ZNF778: variants seen among roughly 807,000 people sequenced by gnomAD.
ZNF778 encodes the protein zinc finger protein 778.
Under a neutral mutation model 23.9 loss-of-function variants are expected in ZNF778, and 37 were observed. The ratio of observed to expected loss-of-function variants is 1.54; its 90% CI spans 1.19 to 2.03. The LOEUF (loss-of-function observed/expected upper bound fraction) is 2.03. ZNF778 is among the 30% of genes most tolerant of loss of function. ZNF778 has a pLI of 0.00. For synonymous variants in ZNF778, 483 were observed against 343.9 expected (o/e 1.40, Z -4.48); for missense variants, 1,297 against 934.4 (o/e 1.39, Z -5.06).
Position 89,223,226 on chromosome 16 carries a change from CAG to C in ZNF778, c.193_194del (p.Asp65ProfsTer49). The C allele has an allele frequency of 6.2e-7, 1 of 1,614,094 alleles. No homozygotes were observed. Among genetic ancestry groups the C allele is most frequent in the Non-Finnish European group, 8.5e-7 (1 of 1,179,996 alleles). ...QEEWTLLDPS[Q>X]RDLYRDVMLE... ...GGAATGGACTTTACTGGACCCATCT[CAG>C]AGAGACCTCTACAGAGATGTGATGC... On this transcript the variant is annotated frameshift_variant, in exon 4 of 7. Transcript: ENST00000433976. LOFTEE classifies it high-confidence loss of function.
chr16:89,228,409 G>A lies in ZNF778; in HGVS notation c.2121G>A (p.Gly707=). 6.2e-7 allele frequency: 1 copy of A among 1,613,912 alleles called. No individual in the cohort carries two copies. Among genetic ancestry groups the A allele is most frequent in the South Asian group, 1.1e-5 (1 of 91,046 alleles). Residue 707 remains glycine, a synonymous_variant, in exon 7 of 7, where the codon GGG becomes GGA. Coordinates refer to ENST00000433976, the MANE Select transcript of ZNF778 (RefSeq NM_001201407.2). ...GQKPYKCKEC[G]KAYNRFYLLK... is the part of the protein sequence containing the mutation. Reference sequence around the variant, plus strand: ...AACCCTATAAATGTAAGGAATGTGGGAAAGCATACAATAGGTTTTATCTAC... The same window carrying A: ...AACCCTATAAATGTAAGGAATGTGGAAAAGCATACAATAGGTTTTATCTAC...
intron 4 of ZNF778, among the ~76,000 whole-genome samples, chr16:89,223,635 A>G (rs2031181892): frequency 1.3e-5 from 2 of 152,150 alleles, no homozygotes; most frequent in Non-Finnish European, 2.9e-5. Context: ...GTGAATGAAG[A>G]TCTCTTATTG....
In ZNF778 at chr16:89,228,683, A is replaced by G; in HGVS notation, c.*121A>G. The G allele has an allele frequency of 6.7e-7, 1 of 1,481,758 alleles. No homozygotes were observed. The highest frequency in any genetic ancestry group is 8.9e-7 in the Non-Finnish European group (1 of 1,121,462). The allele number at this position is 1,481,758 out of a possible 1,614,324, so 91.8% of individuals were successfully genotyped here. ...GCTAGGCAATCAGCATCTCATCACA[A>G]CCCGGCAGGCAGGAACTCACCCTGG... On this transcript the variant is annotated 3_prime_UTR_variant, in exon 7 of 7. Transcript: ENST00000433976.
chr16:89,219,972 T>C (rs565924691), intron 1 of ZNF778, among the ~76,000 whole-genome samples: 1 of 152,368 alleles, frequency 6.6e-6, no homozygotes, highest in Middle Eastern at 3.4e-3. Flanking sequence ...CTGTTGTGTA[T>C]ATTTCATATG....
Position 89,227,157 on chromosome 16 carries a change from T to G in ZNF778, c.869T>G (p.Phe290Cys). ...GTATGTAGGGAATGTGGGAAGGCCTTTAGGTACACTGCCTACCTTACTGGT... is the reference window on the plus strand; with the variant it reads ...GTATGTAGGGAATGTGGGAAGGCCTGTAGGTACACTGCCTACCTTACTGGT... The part of the protein sequence containing the change: ...PHVCRECGKA[F>C]RYTAYLTGRV... Residue 290 changes from phenylalanine (F) to cysteine (C), a missense_variant, in exon 7 of 7, where the codon TTT (phenylalanine) becomes TGT (cysteine). By Grantham distance (205) the Phe-to-Cys change is radical. Coordinates refer to ENST00000433976, the MANE Select transcript of ZNF778 (RefSeq NM_001201407.2). 1.2e-6 allele frequency: 2 copies of G among 1,613,978 alleles called. No individual in the cohort carries two copies. Among genetic ancestry groups the G allele is most frequent in the Non-Finnish European group, 1.7e-6 (2 of 1,179,890 alleles).
rs2031655274 is a variant in ZNF778, at chr16:89,227,999, A to G, written c.1711A>G (p.Arg571Gly). ...ATGTACGGTATGCAGGAAATCCTTC[A>G]GAAATTCCTCGTGCCTGAATAAGCA... ...FICTVCRKSF[R>G]NSSCLNKHIQ... is the part of the protein sequence containing the mutation. The change falls in exon 7 of 7, where the codon AGA (arginine) becomes GGA (glycine). Residue 571 changes from arginine to glycine, a missense_variant. Transcript: ENST00000433976. 1.9e-6 allele frequency: 3 copies of G among 1,589,248 alleles called. No individual in the cohort carries two copies. The highest frequency in any genetic ancestry group is 2.6e-6 in the Non-Finnish European group (3 of 1,164,734).
Position 89,227,367 on chromosome 16 carries a change from C to A in ZNF778, c.1079C>A (p.Pro360His). Residue 360 changes from proline (P) to histidine (H), a missense_variant, in exon 7 of 7, where the codon CCT becomes CAT. Physicochemically the swap from Pro to His is moderately conservative, Grantham distance 77 (BLOSUM62 -2). Transcript: ENST00000433976. ...SGLSKHVQTD[P>H]GQKPYECKDC... ...CTTTCTAAACACGTCCAAACAGACCCTGGACAGAAGCCCTATGAATGTAAG... is the reference window on the plus strand; with the variant it reads ...CTTTCTAAACACGTCCAAACAGACCATGGACAGAAGCCCTATGAATGTAAG... 1.2e-6 allele frequency: 2 copies of A among 1,613,956 alleles called. No individual in the cohort carries two copies. The highest frequency in any genetic ancestry group is 1.7e-6 in the Non-Finnish European group (2 of 1,179,858).
intron 2 of ZNF778, 28 bp from the exon 3 acceptor site, chr16:89,222,064 A>C (rs1447015479): frequency 6.5e-7 from 1 of 1,548,258 alleles, no homozygotes; most frequent in African/African-American, 1.4e-5. Flanking sequence ...CTGGGTTCTC[A>C]TGCCTTCTTG....
Position 89,226,773 on chromosome 16 carries a change from C to T in ZNF778, c.485C>T (p.Thr162Ile), listed in dbSNP as rs954623110. ...EAFSEHSGLS[T>I]HVRTQNTGDS... ...TTCAGTGAACACTCAGGCCTCAGCA[C>T]ACACGTGAGAACTCAAAATACAGGA... The change falls in exon 7 of 7, where the codon ACA becomes ATA. Residue 162 changes from threonine to isoleucine, a missense_variant. Physicochemically the swap from Thr to Ile is moderately conservative, Grantham distance 89. Transcript: ENST00000433976. 14 of 1,613,874 alleles carry T rather than the reference C, an allele frequency of 8.7e-6. No individual in the cohort carries two copies. Among genetic ancestry groups the T allele is most frequent in the Non-Finnish European group, 1.2e-5 (14 of 1,179,888 alleles).
At chr16:89,218,951 T>G (rs551568541) in intron 1 of ZNF778, among the ~76,000 whole-genome samples, 53 of 151,476 alleles carry the variant, frequency 3.5e-4, no homozygotes, top group African/African-American at 1.2e-3. Context: ...CTACTAAAAG[T>G]ACAAAATTAG....
rs185367868 is a variant in ZNF778, at chr16:89,217,771, G to C, written c.-271G>C. 6.6e-6 allele frequency: 1 copy of C among 152,222 alleles called. No individual in the cohort carries two copies. 9.4% of individuals were successfully genotyped at this position (152,222 alleles called of 1,614,324 possible). The stretch of plus-strand genomic sequence containing the variant: ...GCCGGAGAGTTCCGCGCGTGTCCTC[G>C]GGCTGTCCGCGGGGAAGCTGGTCCG... On this transcript the variant is annotated 5_prime_UTR_variant, in exon 1 of 7. Coordinates refer to ENST00000433976, the MANE Select transcript of ZNF778 (RefSeq NM_001201407.2).
In ZNF778 at chr16:89,235,700, A is replaced by G. The variant is rs1268618063; in HGVS notation, c.*7138A>G. The G allele has an allele frequency of 6.6e-6, 1 of 152,244 alleles. No individual in the cohort carries two copies. Among genetic ancestry groups the G allele is most frequent in the Non-Finnish European group, 1.5e-5 (1 of 68,036 alleles). The allele number at this position is 152,244 out of a possible 1,614,324, so 9.4% of individuals were successfully genotyped here. A position where few individuals can be genotyped will look rare whatever the true frequency, so the allele number is the denominator to read the frequency against. On this transcript the variant is annotated 3_prime_UTR_variant, in exon 7 of 7. Coordinates refer to ENST00000433976, the MANE Select transcript of ZNF778 (RefSeq NM_001201407.2). ...CCTTGGGGAGCAGTGTTATGATACC[A>G]AATGGCTAACATTCATGACCTCAGT...
At position 89,231,867 on chromosome 16, in the gene ZNF778, CTCT is replaced by C. The variant is rs1465769815; in HGVS notation, c.*3310_*3312del. ...CCCTTGACTTGGCTTCACACAGAGC[CTCT>C]TCTTTACACATACTAACTGTTTGCT... On this transcript the variant is annotated 3_prime_UTR_variant, in exon 7 of 7. Transcript: ENST00000433976. The C allele has an allele frequency of 6.6e-6, 1 of 152,256 alleles. No individual in the cohort carries two copies. Among genetic ancestry groups the C allele is most frequent in the African/African-American group, 2.4e-5 (1 of 41,438 alleles). 9.4% of individuals were successfully genotyped at this position (152,256 alleles called of 1,614,324 possible). A position where few individuals can be genotyped will look rare whatever the true frequency, so the allele number is the denominator to read the frequency against.
Position 89,219,197 on chromosome 16 carries a change from C to T in ZNF778, c.-132+1287C>T, listed in dbSNP as rs185658378. On this transcript the variant is annotated intron_variant, in intron 1 of 6. Coordinates refer to ENST00000433976, the MANE Select transcript of ZNF778 (RefSeq NM_001201407.2). ...GATTCTCAACATTTTTCCAACATTG[C>T]GCTGTTGGGTATTTTGGGGACTAAG... 5.9e-5 allele frequency among the ~76,000 whole-genome samples: 9 copies of T among 152,302 alleles called. No homozygotes were observed. In the South Asian group the frequency reaches 6.2e-4, roughly 11 times the overall value.
chr16:89,226,567 G>C (rs1260003806), intron 6 of ZNF778, 127 bp from the exon 7 acceptor site: 1 of 754,416 alleles, frequency 1.3e-6, no homozygotes, highest in Non-Finnish European at 2.1e-6. Context: ...TACAGGGCAG[G>C]AGCTGCTTGC....
intron 5 of ZNF778, 140 bp downstream of exon 5, chr16:89,224,942 G>A: frequency 1.8e-6 from 1 of 571,314 alleles, no homozygotes; most frequent in Admixed American, 2.8e-5. Context: ...TTTAGCGGCT[G>A]TGGAAGAATC....
At position 89,223,180 on chromosome 16, in the gene ZNF778, G is replaced by T. The variant is rs2031136348; in HGVS notation, c.141G>T (p.Val47=). 1 of 1,613,896 alleles carries T rather than the reference G, an allele frequency of 6.2e-7. No homozygotes were observed. The highest frequency in any genetic ancestry group is 8.5e-7 in the Non-Finnish European group (1 of 1,179,940). ...CYQDAVTFDD[V]AVDFTQEEWT... is the part of the protein sequence containing the mutation. ...AGGACGCGGTGACCTTTGACGACGT[G>T]GCTGTGGACTTCACCCAGGAGGAAT... Residue 47 remains valine, a synonymous_variant, in exon 4 of 7, where the codon GTG becomes GTT. Coordinates refer to ENST00000433976, the MANE Select transcript of ZNF778 (RefSeq NM_001201407.2).
Position 89,222,457 on chromosome 16 carries a change from A to C in ZNF778, c.117+274A>C, listed in dbSNP as rs1386060883. On this transcript the variant is annotated intron_variant, in intron 3 of 6. Coordinates refer to ENST00000433976, the MANE Select transcript of ZNF778 (RefSeq NM_001201407.2). ...CGGCTCACTGCAATCTCCGCCTCCC[A>C]GGTTCAAGCAATTCTCCTGCCTCAG... 2.6e-5 allele frequency among the ~76,000 whole-genome samples: 4 copies of C among 152,168 alleles called. No homozygotes were observed. The East Asian group carries it at 5.8e-4, about 22-fold the overall frequency.
chr16:89,235,668 G>A lies in ZNF778; in HGVS notation c.*7106G>A, dbSNP rs568760712. 1 of 152,274 alleles carries A rather than the reference G, an allele frequency of 6.6e-6. No homozygotes were observed. Among genetic ancestry groups the A allele is most frequent in the South Asian group, 2.1e-4 (1 of 4,830 alleles). The allele number at this position is 152,274 out of a possible 1,614,324, so 9.4% of individuals were successfully genotyped here. A position where few individuals can be genotyped will look rare whatever the true frequency, so the allele number is the denominator to read the frequency against. ...TAATCTTAAATTATTCAGCATATGT[G>A]CAACAGCCTTGGGGAGCAGTGTTAT... On this transcript the variant is annotated 3_prime_UTR_variant, in exon 7 of 7. Transcript: ENST00000433976.
Sources: gnomAD v4.1 joint callset for allele counts (sites outside exome capture counted in the v4.1 genomes callset) on GRCh38, gnomAD v4.1.1 for gene constraint, MANE v1.5 for transcripts, NCBI Gene and HGNC (gene_info 2026-07-23, HGNC 2026-07-21) for gene names.